DENND1B: variants seen among roughly 807,000 people sequenced by gnomAD.
The protein encoded by DENND1B is DENN domain containing 1B.
A neutral mutation model predicts 90.1 loss-of-function variants in DENND1B; 59 were observed. The ratio of observed to expected loss-of-function variants is 0.65; its 90% CI spans 0.53 to 0.81. The LOEUF is 0.81. Ranked by LOEUF, DENND1B falls within the 40% of genes least tolerant of loss-of-function variation. The pLI is 0.00. For missense variants in DENND1B, 862 were observed against 912.6 expected (o/e 0.94, Z 0.71); for synonymous variants, 337 against 324.6 (o/e 1.04, Z -0.41).
chr1:197,596,892 A>C (rs1675747060), intron 13 of DENND1B, among the ~76,000 whole-genome samples: 1 of 151,938 alleles, frequency 6.6e-6, no homozygotes, highest in African/African-American at 2.4e-5. Flanking sequence ...TTTCCAGTGT[A>C]AAGTCACAGT....
chr1:197,574,015 G>A (rs1673418997), intron 15 of DENND1B, among the ~76,000 whole-genome samples: 1 of 152,186 alleles, frequency 6.6e-6, no homozygotes, highest in Non-Finnish European at 1.5e-5. Flanking sequence ...AAAACTGGAA[G>A]CATTCCCTCT....
intron 15 of DENND1B, among the ~76,000 whole-genome samples, chr1:197,553,348 CAA>C (rs963111975): frequency 2.6e-5 from 4 of 152,178 alleles, no homozygotes; most frequent in African/African-American, 9.6e-5. Context: ...AAATGTACAG[CAA>C]AGAGTCTAAC....
At chr1:197,621,241 C>T (rs1156489272) in intron 10 of DENND1B, among the ~76,000 whole-genome samples, 2 of 151,122 alleles carry the variant, frequency 1.3e-5, no homozygotes, top group African/African-American at 4.8e-5. Flanking sequence ...GAAGAGAGTG[C>T]TATCATAATA....
chr1:197,733,757 A>G (rs981917606), intron 2 of DENND1B, among the ~76,000 whole-genome samples: 2 of 152,202 alleles, frequency 1.3e-5, no homozygotes, highest in Non-Finnish European at 2.9e-5. Context: ...TCCTGTTGAG[A>G]ACCTGATGAA....
At chr1:197,658,719 A>G (rs1654098846) in intron 5 of DENND1B, among the ~76,000 whole-genome samples, 1 of 151,438 alleles carries the variant, frequency 6.6e-6, no homozygotes, top group Admixed American at 6.6e-5. Context: ...AGCTTTTAAA[A>G]CAAAAGATAT....
At chr1:197,634,466 C>T (rs981543596) in intron 10 of DENND1B, among the ~76,000 whole-genome samples, 5 of 152,096 alleles carry the variant, frequency 3.3e-5, no homozygotes, top group Admixed American at 3.3e-4. Flanking sequence ...AAGTAATGAA[C>T]TTTCTATTTA....
At chr1:197,621,171 C>A (rs1179443849) in intron 10 of DENND1B, among the ~76,000 whole-genome samples, 4 of 151,280 alleles carry the variant, frequency 2.6e-5, no homozygotes, top group African/African-American at 7.3e-5. Flanking sequence ...TGATGGAGAG[C>A]CTTCTAGGAC....
chr1:197,552,285 C>T (rs1158255766), intron 16 of DENND1B: 2 of 979,574 alleles, frequency 2.0e-6, no homozygotes, highest in African/African-American at 1.8e-5. Flanking sequence ...TTATTTAGTA[C>T]ACTTAATATT....
chr1:197,576,885 T>C (rs1158805781), intron 15 of DENND1B, among the ~76,000 whole-genome samples: 2 of 152,182 alleles, frequency 1.3e-5, no homozygotes, highest in Non-Finnish European at 2.9e-5. Flanking sequence ...CAGAATTATT[T>C]TGAATATCTA....
chr1:197,744,490 T>C (rs919966401), intron 2 of DENND1B, among the ~76,000 whole-genome samples: 1 of 152,204 alleles, frequency 6.6e-6, no homozygotes, highest in Non-Finnish European at 1.5e-5. Context: ...GCAACAATAT[T>C]TTAAAAGAAA....
chr1:197,725,523 G>A (rs1174468387), intron 2 of DENND1B, among the ~76,000 whole-genome samples: 2 of 151,796 alleles, frequency 1.3e-5, no homozygotes, highest in Non-Finnish European at 2.9e-5. Flanking sequence ...CTGAAGCACT[G>A]TTTACAATTA....
At chr1:197,584,883 G>T (rs562837310) in intron 14 of DENND1B, among the ~76,000 whole-genome samples, 1 of 152,090 alleles carries the variant, frequency 6.6e-6, no homozygotes, top group East Asian at 1.9e-4. Context: ...ATGTTGCCCA[G>T]GTTGGTCTCA....
chr1:197,603,542 A>AG (rs200128444), intron 13 of DENND1B, among the ~76,000 whole-genome samples: 1 of 150,936 alleles, frequency 6.6e-6, no homozygotes, highest in Non-Finnish European at 1.5e-5. Context: ...GTAAAAAAAA[A>AG]CTTGCCTGTT....
chr1:197,642,743 G>A lies in DENND1B; in HGVS notation c.640C>T (p.Arg214Cys), dbSNP rs1680375938. 9.3e-6 allele frequency: 15 copies of A among 1,613,332 alleles called. No individual in the cohort carries two copies. The highest frequency in any genetic ancestry group is 1.7e-5 in the Admixed American group (1 of 59,952). The change falls in exon 10 of 23, where the codon CGC (arginine) becomes TGC (cysteine). Residue 214 changes from arginine (R) to cysteine (C), a missense_variant. By Grantham distance (180) the Arg-to-Cys change is radical. Coordinates refer to ENST00000620048, the MANE Select transcript of DENND1B (RefSeq NM_001195215.2). ...QLYASMLHER[R>C]IVIISSKLST... ...AATTTGCTCGAGATAATCACGATGC[G>A]CCTTTCATGCAGCATACTGGCATAC...
chr1:197,668,753 T>A (rs1231494445), intron 5 of DENND1B, among the ~76,000 whole-genome samples: 1 of 151,956 alleles, frequency 6.6e-6, no homozygotes, highest in East Asian at 1.9e-4. Context: ...TCCTCACTCT[T>A]AGAAATAATC....
intron 5 of DENND1B, among the ~76,000 whole-genome samples, chr1:197,665,629 A>G (rs1160843597): frequency 2.6e-5 from 4 of 152,128 alleles, no homozygotes; most frequent in Non-Finnish European, 5.9e-5. Context: ...AAAATATTCT[A>G]TCAATTTGTA....
intron 2 of DENND1B, among the ~76,000 whole-genome samples, chr1:197,715,426 C>A (rs1393730133): frequency 1.3e-5 from 2 of 151,828 alleles, no homozygotes; most frequent in Non-Finnish European, 2.9e-5. Flanking sequence ...TTTTAAAATA[C>A]TGGTATTCCT....
At chr1:197,761,598 A>G (rs1342938356) in intron 2 of DENND1B, among the ~76,000 whole-genome samples, 4 of 152,178 alleles carry the variant, frequency 2.6e-5, no homozygotes, top group African/African-American at 4.8e-5. Context: ...CTAAGTTTTT[A>G]TAACTACCCA....
chr1:197,666,959 C>G (rs1655001392), intron 5 of DENND1B, among the ~76,000 whole-genome samples: 1 of 152,042 alleles, frequency 6.6e-6, no homozygotes, highest in South Asian at 2.1e-4. Context: ...CATGGTGAAA[C>G]CCCGTCTCTA....
Sources: gnomAD v4.1 joint callset for allele counts (sites outside exome capture counted in the v4.1 genomes callset) on GRCh38, gnomAD v4.1.1 for gene constraint, MANE v1.5 for transcripts, NCBI Gene and HGNC (gene_info 2026-07-23, HGNC 2026-07-21) for gene names.